Variants in OSBPL10 observed in about 807,000 individuals in gnomAD.
The protein encoded by OSBPL10 is oxysterol-binding protein-related protein 10.
In OSBPL10, 49 loss-of-function variants were observed where a neutral mutation model predicts 81.7. The ratio of observed to expected loss-of-function variants is 0.60; its 90% CI spans 0.48 to 0.76. OSBPL10 has a LOEUF of 0.76. OSBPL10 is among the 30% of genes least tolerant of loss of function. OSBPL10 has a pLI of 0.00. For missense variants in OSBPL10, 923 were observed against 987.8 expected (o/e 0.93, Z 0.88); for synonymous variants, 419 against 383.6 (o/e 1.09, Z -1.08).
chr3:31,811,753 A>G (rs1404855358), intron 4 of OSBPL10, among the ~76,000 whole-genome samples: 1 of 152,218 alleles, frequency 6.6e-6, no homozygotes, highest in African/African-American at 2.4e-5. Context: ...ATATGTGCCC[A>G]TTCACGTATA....
chr3:31,807,837 C>G (rs1261016940), intron 4 of OSBPL10, among the ~76,000 whole-genome samples: 1 of 152,062 alleles, frequency 6.6e-6, no homozygotes, highest in Admixed American at 6.6e-5. Flanking sequence ...AAATTTAGAA[C>G]CAAACTCCTC....
chr3:31,941,536 T>A lies in OSBPL10; in HGVS notation c.281+39363A>T, dbSNP rs1439946858. On this transcript the variant is annotated intron_variant, in intron 1 of 11. Coordinates refer to ENST00000396556, the MANE Select transcript of OSBPL10 (RefSeq NM_017784.5). Reference sequence around the variant, plus strand: ...GAAACGTACCAAGAGCTCAAAAGCATCAAGTCTAGACACCTCAAACTCCCC... The same window carrying A: ...GAAACGTACCAAGAGCTCAAAAGCAACAAGTCTAGACACCTCAAACTCCCC... Among the ~76,000 whole-genome samples, 12 of 152,182 alleles carry A rather than the reference T, an allele frequency of 7.9e-5. No homozygotes were observed. In the South Asian group the frequency reaches 2.5e-3, roughly 32 times the overall value.
chr3:31,969,763 G>C (rs558014288), intron 1 of OSBPL10, among the ~76,000 whole-genome samples: 23 of 152,156 alleles, frequency 1.5e-4, no homozygotes, highest in African/African-American at 5.5e-4. Context: ...GCTAAGGCAG[G>C]AGAATAGCTT....
At chr3:32,004,899 C>T (rs939261825) in intron 2 of OSBPL10, among the ~76,000 whole-genome samples, 1 of 152,090 alleles carries the variant, frequency 6.6e-6, no homozygotes, top group Non-Finnish European at 1.5e-5. Context: ...TGTCATCAGC[C>T]TGTTTTATTT....
chr3:31,924,400 AC>A (rs1286113518), intron 1 of OSBPL10, among the ~76,000 whole-genome samples: 12 of 152,180 alleles, frequency 7.9e-5, no homozygotes, highest in African/African-American at 2.9e-4. Context: ...TCCGGGCAGC[AC>A]CTTCCTTGTG....
intron 2 of OSBPL10, among the ~76,000 whole-genome samples, chr3:32,001,148 T>A (rs1406836817): frequency 6.6e-6 from 1 of 152,196 alleles, no homozygotes; most frequent in East Asian, 1.9e-4. Context: ...CTGTGCTTTA[T>A]GGCATAAGCT....
chr3:31,916,922 G>C (rs533387588), intron 1 of OSBPL10, among the ~76,000 whole-genome samples: 1 of 152,204 alleles, frequency 6.6e-6, no homozygotes, highest in East Asian at 1.9e-4. Flanking sequence ...TGTAAGCCGG[G>C]ACTCCTATTA....
chr3:31,735,939 C>A (rs1467622163), intron 5 of OSBPL10, among the ~76,000 whole-genome samples: 1 of 152,108 alleles, frequency 6.6e-6, no homozygotes, highest in Non-Finnish European at 1.5e-5. Flanking sequence ...CAGCAGTGTC[C>A]CCAGAACCAT....
At chr3:31,902,799 C>T (rs1361332096) in intron 1 of OSBPL10, among the ~76,000 whole-genome samples, 3 of 152,144 alleles carry the variant, frequency 2.0e-5, no homozygotes, top group African/African-American at 4.8e-5. Flanking sequence ...CTCCTGACCT[C>T]GTGATCCACC....
rs71097443 is a variant in OSBPL10, at chr3:31,796,993, AT to A, written c.729+33046del. On this transcript the variant is annotated intron_variant, in intron 4 of 11. Coordinates refer to ENST00000396556, the MANE Select transcript of OSBPL10 (RefSeq NM_017784.5). ...ATTTTTATTTTATTAATTTTTATTA[AT>A]TTTTTTTTTTTTTTTTTTTGAGACA... is the stretch of plus-strand genomic sequence containing the variant. 5.1e-3 allele frequency among the ~76,000 whole-genome samples: 629 copies of A among 123,576 alleles called. 2 individuals carry two copies. The highest frequency in any genetic ancestry group is 0.013 in the African/African-American group (415 of 32,430). The allele number at this position is 123,576 out of a possible 152,430, so 81.1% of individuals were successfully genotyped here.
At chr3:31,810,883 C>T (rs1575560000) in intron 4 of OSBPL10, among the ~76,000 whole-genome samples, 1 of 152,176 alleles carries the variant, frequency 6.6e-6, no homozygotes, top group Non-Finnish European at 1.5e-5. Context: ...CCCCCGCTTA[C>T]TTTCATTAAA....
upstream of OSBPL10, chr3:31,981,370 G>T: frequency 3.0e-6 from 3 of 997,480 alleles, no homozygotes; most frequent in Non-Finnish European, 3.9e-6. This position sits in a 1 kb window ranked among gnomAD's most constrained non-coding sequence, Gnocchi z 4.5. Context: ...AACGGGGCTG[G>T]ATGCAGCTGC....
At chr3:31,965,654 T>TATATA (rs1491583434) in intron 1 of OSBPL10, among the ~76,000 whole-genome samples, 10 of 70,290 alleles carry the variant, frequency 1.4e-4, no homozygotes, top group African/African-American at 5.2e-4. Context: ...AATTATATAT[T>TATATA]ATATATTATA....
At chr3:31,685,438 A>G (rs1188816959) in intron 7 of OSBPL10, among the ~76,000 whole-genome samples, 1 of 152,194 alleles carries the variant, frequency 6.6e-6, no homozygotes, top group East Asian at 1.9e-4. Context: ...CCTGAGCTCA[A>G]GCAATCCACC....
At chr3:31,732,580 A>T (rs1402889391) in intron 6 of OSBPL10, 2 of 152,576 alleles carry the variant, frequency 1.3e-5, no homozygotes, top group Admixed American at 1.3e-4. Context: ...GACTCAGGAC[A>T]CAAAATAAAA....
At chr3:31,971,139 C>CTTTTT (rs56785817) in intron 1 of OSBPL10, among the ~76,000 whole-genome samples, 17 of 119,332 alleles carry the variant, frequency 1.4e-4, no homozygotes, top group Non-Finnish European at 2.2e-4. Flanking sequence ...TTTCTTTTTT[C>CTTTTT]TTTTTTTTTT....
chr3:31,985,737 A>G (rs183775957), upstream of OSBPL10, among the ~76,000 whole-genome samples: 3 of 152,340 alleles, frequency 2.0e-5, no homozygotes, highest in Admixed American at 2.0e-4. Context: ...TGTTAGAAAC[A>G]TGTGGTCTGA....
At chr3:31,993,098 T>A (rs962112289) in intron 2 of OSBPL10, among the ~76,000 whole-genome samples, 2 of 152,138 alleles carry the variant, frequency 1.3e-5, no homozygotes, top group Admixed American at 6.5e-5. Context: ...TTGCAAATCA[T>A]GTGTTTGACC....
intron 4 of OSBPL10, among the ~76,000 whole-genome samples, chr3:31,823,360 C>T (rs1297397285): frequency 6.6e-6 from 1 of 152,172 alleles, no homozygotes; most frequent in Non-Finnish European, 1.5e-5. Context: ...TAAGATGTGA[C>T]CTTTCACATA....
Sources: allele counts gnomAD v4.1 joint callset (sites outside exome capture counted in the v4.1 genomes callset), GRCh38; gene constraint gnomAD v4.1.1; non-coding constraint Gnocchi (gnomAD v3.1); transcripts MANE v1.5; gene names NCBI Gene and HGNC (gene_info 2026-07-23, HGNC 2026-07-21).